The following SARDH variants were observed in gnomAD, a reference collection of about 807,000 sequenced individuals.
SARDH encodes the protein sarcosine dehydrogenase.
SARDH carries 95 observed loss-of-function variants against 109.1 expected under a neutral mutation model. The observed-to-expected ratio is 0.87, with a 90% confidence interval of 0.74 to 1.03. The LOEUF is 1.03. SARDH is among the 50% of genes least tolerant of loss of function. The pLI, the probability that SARDH is intolerant of heterozygous loss-of-function variation, is 0.00. For synonymous variants in SARDH, 572 were observed against 534.8 expected (o/e 1.07, Z -0.96); for missense variants, 1,267 against 1,287.8 (o/e 0.98, Z 0.25).
chr9:133,695,778 T>A (rs2131395774), intron 14 of SARDH, among the ~76,000 whole-genome samples: 1 of 152,244 alleles, frequency 6.6e-6, no homozygotes, highest in Admixed American at 6.5e-5. Flanking sequence ...AGATCCCAAG[T>A]ATGTCCCAAA....
At chr9:133,738,101 C>T (rs527463132) in intron 1 of SARDH, among the ~76,000 whole-genome samples, 153 bp downstream of exon 1, 2 of 152,246 alleles carry the variant, frequency 1.3e-5, no homozygotes, top group South Asian at 4.1e-4. Flanking sequence ...GAGGCAGCTG[C>T]CCATATGGTG....
rs1172637127 is a variant in SARDH, at chr9:133,731,410, A to AT, written c.584dup (p.Asn195LysfsTer39). ...ACAGGGTCCCGTAGAGGTCGTCCAC[A>AT]TTCATCAGCGGGTACAGAGTCTTGG... On this transcript the variant is annotated frameshift_variant, in exon 4 of 21. Transcript: ENST00000439388. LOFTEE classifies it high-confidence loss of function. The AT allele has an allele frequency of 3.7e-6, 6 of 1,614,016 alleles. No individual in the cohort carries two copies. The highest frequency in any genetic ancestry group is 5.1e-6 in the Non-Finnish European group (6 of 1,180,024).
chr9:133,662,173 C>T (rs368548531), downstream of SARDH, among the ~76,000 whole-genome samples: 9 of 152,014 alleles, frequency 5.9e-5, no homozygotes, highest in Non-Finnish European at 1.0e-4. This position sits in a 1 kb window ranked among gnomAD's most constrained non-coding sequence, Gnocchi z 5.1. Context: ...TCTCTCTCCT[C>T]GGGACAGGGA....
At position 133,718,612 on chromosome 9, in the gene SARDH, T is replaced by C. The variant is rs776274899; in HGVS notation, c.1020+326A>G. On this transcript the variant is annotated intron_variant, in intron 7 of 20. Coordinates refer to ENST00000439388, the MANE Select transcript of SARDH (RefSeq NM_001134707.2). This position sits in a 1 kb window ranked among gnomAD's most constrained non-coding sequence, Gnocchi z 4.2. ...GGGGAAATGCCGCTGCAGCAGCTGG[T>C]TGGGAGGGCAGTGTCATTTGCTGAA... The C allele has an allele frequency of 7.8e-6, 6 of 771,026 alleles. No homozygotes were observed. The highest frequency in any genetic ancestry group is 2.4e-5 in the East Asian group (1 of 41,006). The allele number at this position is 771,026 out of a possible 1,614,324, so 47.8% of individuals were successfully genotyped here. A position where few individuals can be genotyped will look rare whatever the true frequency, so the allele number is the denominator to read the frequency against.
intron 11 of SARDH, among the ~76,000 whole-genome samples, chr9:133,707,700 A>G (rs1831743458): frequency 6.6e-6 from 1 of 152,142 alleles, no homozygotes; most frequent in African/African-American, 2.4e-5. Context: ...GTCCAGCACG[A>G]GATGGCCAGG....
At position 133,702,925 on chromosome 9, in the gene SARDH, G is replaced by T. The variant is rs2131415541; in HGVS notation, c.1659C>A (p.His553Gln). Residue 553 changes from histidine to glutamine, a missense_variant, in exon 13 of 21, where the codon CAC (histidine) becomes CAA (glutamine). Coordinates refer to ENST00000439388, the MANE Select transcript of SARDH (RefSeq NM_001134707.2). ...ADEYTFAFPP[H>Q]HDTIKKECLA... ...GACCCCAGCTACGCACCGTGTCGTG[G>T]TGGGGCGGGAAGGCGAAGGTGTACT... 2 of 1,612,146 alleles carry T rather than the reference G, an allele frequency of 1.2e-6. No homozygotes were observed. The highest frequency in any genetic ancestry group is 1.1e-5 in the South Asian group (1 of 91,024).
At chr9:133,723,879 C>T (rs1832405264) in intron 6 of SARDH, among the ~76,000 whole-genome samples, 1 of 152,236 alleles carries the variant, frequency 6.6e-6, no homozygotes, top group Non-Finnish European at 1.5e-5. Context: ...GCTGGGCCAA[C>T]TGGATAGCCA....
chr9:133,684,797 G>C (rs559729713), intron 17 of SARDH, among the ~76,000 whole-genome samples: 2 of 152,182 alleles, frequency 1.3e-5, no homozygotes, highest in Non-Finnish European at 2.9e-5. Flanking sequence ...GGAGCTCTCC[G>C]GAGCCAGCTA....
At chr9:133,671,179 T>C (rs920125655) in intron 18 of SARDH, among the ~76,000 whole-genome samples, 5 of 152,182 alleles carry the variant, frequency 3.3e-5, no homozygotes, top group Non-Finnish European at 2.9e-5. Flanking sequence ...ACCTGCTCCC[T>C]GGCTCCATTC....
intron 10 of SARDH, among the ~76,000 whole-genome samples, chr9:133,710,478 G>A (rs2797821): frequency 0.59 from 89,547 of 152,158 alleles, 26,838 homozygotes; most frequent in South Asian, 0.73. Flanking sequence ...CTGGTCTCCC[G>A]GGACGCCCCC....
At position 133,716,796 on chromosome 9, in the gene SARDH, C is replaced by T. The variant is rs529814554; in HGVS notation, c.1150+530G>A. Among the ~76,000 whole-genome samples the T allele has an allele frequency of 3.9e-5, 6 of 152,338 alleles. No individual in the cohort carries two copies. The South Asian group carries it at 1.2e-3, about 32-fold the overall frequency. The stretch of plus-strand genomic sequence containing the variant: ...GCTGAGCTGGCCTCCAGGTGCAAGC[C>T]GCCAAGAACAGGAGGGAGGCCAGCA... On this transcript the variant is annotated intron_variant, in intron 8 of 20. Coordinates refer to ENST00000439388, the MANE Select transcript of SARDH (RefSeq NM_001134707.2).
intron 10 of SARDH, 68 bp from the exon 11 acceptor site, chr9:133,708,496 C>G: frequency 6.6e-7 from 1 of 1,523,440 alleles, no homozygotes. Context: ...AGCCTAGGAC[C>G]CAGGGTAAGC....
downstream of SARDH, among the ~76,000 whole-genome samples, chr9:133,661,973 C>T (rs1053905858): frequency 1.3e-5 from 2 of 152,156 alleles, no homozygotes; most frequent in South Asian, 2.1e-4. Context: ...GGTCCCCGGG[C>T]GGTGCACTTG....
At chr9:133,707,499 A>C (rs1831734610) in intron 11 of SARDH, among the ~76,000 whole-genome samples, 1 of 152,110 alleles carries the variant, frequency 6.6e-6, no homozygotes, top group African/African-American at 2.4e-5. Context: ...TAATACCAGG[A>C]TCTCTCTTGG....
intron 17 of SARDH, among the ~76,000 whole-genome samples, chr9:133,684,262 C>G (rs1049422264): frequency 2.0e-5 from 3 of 152,248 alleles, no homozygotes; most frequent in Non-Finnish European, 4.4e-5. Flanking sequence ...GGCCACACAC[C>G]TGTGTCACAC....
At chr9:133,678,550 C>T (rs894760693) in intron 17 of SARDH, among the ~76,000 whole-genome samples, 7 of 152,230 alleles carry the variant, frequency 4.6e-5, no homozygotes, top group African/African-American at 1.7e-4. Context: ...AGATGTTCTC[C>T]GCCTACCTTG....
chr9:133,706,236 C>A (rs1313088003), intron 11 of SARDH, among the ~76,000 whole-genome samples: 1 of 142,164 alleles, frequency 7.0e-6, no homozygotes, highest in Non-Finnish European at 1.6e-5. Flanking sequence ...AGTGGATCAA[C>A]AAAGCATGGT....
At chr9:133,691,381 G>A (rs1233874652) in intron 15 of SARDH, among the ~76,000 whole-genome samples, 3 of 152,162 alleles carry the variant, frequency 2.0e-5, no homozygotes, top group East Asian at 3.9e-4. Context: ...CAACTTCCCT[G>A]AAAACAAGAC....
intron 6 of SARDH, among the ~76,000 whole-genome samples, chr9:133,719,730 CG>C (rs1226526442): frequency 2.0e-5 from 3 of 146,722 alleles, no homozygotes; most frequent in African/African-American, 7.5e-5. Flanking sequence ...TCTCTAAAAG[CG>C]AAAGGCTTGC....
Sources: gnomAD v4.1 joint callset for allele counts (sites outside exome capture counted in the v4.1 genomes callset) on GRCh38, gnomAD v4.1.1 for gene constraint, Gnocchi (gnomAD v3.1) non-coding constraint, MANE v1.5 for transcripts, NCBI Gene and HGNC (gene_info 2026-07-23, HGNC 2026-07-21) for gene names.